Variants in SEC61A2 observed in about 807,000 individuals in gnomAD.
The protein encoded by SEC61A2 is protein transport protein Sec61 subunit alpha isoform 2.
In SEC61A2, 28 loss-of-function variants were observed where a neutral mutation model predicts 59.9. The ratio of observed to expected loss-of-function variants is 0.47; its 90% CI spans 0.35 to 0.64. SEC61A2 has a LOEUF of 0.64. Ranked by LOEUF, SEC61A2 falls within the 30% of genes least tolerant of loss-of-function variation. SEC61A2 has a pLI of 0.01. For missense variants in SEC61A2, 340 were observed against 585.9 expected, an observed-to-expected ratio of 0.58 and a Z score of 4.33; for synonymous variants, 202 against 214.4, an observed-to-expected ratio of 0.94 and a Z score of 0.50.
At position 12,162,336 on chromosome 10, in the gene SEC61A2, A is replaced by C. The variant is rs757728555; in HGVS notation, c.1244+47A>C. 3.0e-5 allele frequency: 43 copies of C among 1,431,458 alleles called. No individual in the cohort carries two copies. The highest frequency in any genetic ancestry group is 4.1e-5 in the Non-Finnish European group (42 of 1,014,124). 88.7% of individuals were successfully genotyped at this position (1,431,458 alleles called of 1,614,324 possible). A position where few individuals can be genotyped will look rare whatever the true frequency, so the allele number is the denominator to read the frequency against. On this transcript the variant is annotated intron_variant, in intron 11 of 11. Coordinates refer to ENST00000298428, the MANE Select transcript of SEC61A2 (RefSeq NM_018144.4). This position sits in a 1 kb window ranked among gnomAD's most constrained non-coding sequence, Gnocchi z 6.1. The stretch of plus-strand genomic sequence containing the variant: ...CTTTATAGGCCTGTGTTTGTGTTTC[A>C]GTCTTTCAGTGTTGGCTAAATGTTT...
intron 6 of SEC61A2, 136 bp downstream of exon 6, chr10:12,150,097 A>C: frequency 3.2e-6 from 2 of 632,838 alleles, no homozygotes; most frequent in Non-Finnish European, 5.3e-6. Context: ...TTGATCACTG[A>C]AGTGATACGT....
At position 12,143,846 on chromosome 10, in the gene SEC61A2, G is replaced by A. The variant is rs951940161; in HGVS notation, c.220+651G>A. Among the ~76,000 whole-genome samples, 1 of 152,240 alleles carries A rather than the reference G, an allele frequency of 6.6e-6. No homozygotes were observed. The highest frequency in any genetic ancestry group is 2.4e-5 in the African/African-American group (1 of 41,474). On this transcript the variant is annotated intron_variant, in intron 4 of 11. Coordinates refer to ENST00000298428, the MANE Select transcript of SEC61A2 (RefSeq NM_018144.4). This position sits in a 1 kb window ranked among gnomAD's most constrained non-coding sequence, Gnocchi z 4.8. ...AAATTGTGGCTGAGGATGCTGGACA[G>A]TGAGAGTAGCAAGGGGTACAACCAG...
In SEC61A2 at chr10:12,164,673, A is replaced by T; in HGVS notation, c.*219A>T. On this transcript the variant is annotated 3_prime_UTR_variant, in exon 12 of 12. Coordinates refer to ENST00000298428, the MANE Select transcript of SEC61A2 (RefSeq NM_018144.4). This position sits in a 1 kb window ranked among gnomAD's most constrained non-coding sequence, Gnocchi z 7.3. ...TTACATTATTCATTAAAAAAAGTAC[A>T]TCTAGTGTTGCCTGTAATGCTGGAA... The T allele has an allele frequency of 1.5e-6, 2 of 1,339,122 alleles. No individual in the cohort carries two copies. The highest frequency in any genetic ancestry group is 3.5e-5 in the South Asian group (2 of 56,878). The allele number at this position is 1,339,122 out of a possible 1,614,324, so 83.0% of individuals were successfully genotyped here.
intron 1 of SEC61A2, among the ~76,000 whole-genome samples, chr10:12,132,508 G>A (rs946219185): frequency 2.7e-5 from 4 of 149,774 alleles, no homozygotes; most frequent in African/African-American, 4.9e-5. Context: ...TAGCTACTCG[G>A]GAGGCTGAGG....
rs10906088 is a variant in SEC61A2 at position 12,152,990 on chromosome 10, C to T, written c.463-2788C>T. Among the ~76,000 whole-genome samples, 62,886 of 150,870 alleles carry T rather than the reference C, an allele frequency of 0.42. 13,096 individuals are homozygous for T. The highest frequency in any genetic ancestry group is 0.53 in the East Asian group (2,695 of 5,124). ...AGGAGAATCGCTTGAACTCTGGAGT[C>T]GGAGTTTGCAGTGAGCCGAGGTCAC... On this transcript the variant is annotated intron_variant, in intron 6 of 11. Transcript: ENST00000298428. The surrounding 1 kb of genome is among the most constrained non-coding windows in gnomAD (Gnocchi z 5.5).
chr10:12,151,059 G>A (rs1334768380), intron 6 of SEC61A2, among the ~76,000 whole-genome samples: 2 of 151,454 alleles, frequency 1.3e-5, no homozygotes, highest in East Asian at 1.9e-4. Context: ...ACAGGCGTGA[G>A]CCACTGCGCC....
At chr10:12,131,786 G>A (rs1305598908) in intron 1 of SEC61A2, among the ~76,000 whole-genome samples, 49 of 138,998 alleles carry the variant, frequency 3.5e-4, no homozygotes, top group African/African-American at 1.2e-3. Flanking sequence ...CCCCTCCTGG[G>A]GTCACGCCAT....
At chr10:12,169,218 C>T (rs1400747484), downstream of SEC61A2, 2 of 1,389,058 alleles carry the variant, frequency 1.4e-6, no homozygotes, top group Non-Finnish European at 2.0e-6. The surrounding 1 kb of genome is among the most constrained non-coding windows in gnomAD (Gnocchi z 4.8). Context: ...CCTCTCTCCA[C>T]CTCCCCTCAC....
Position 12,162,393 on chromosome 10 carries a change from C to T in SEC61A2, c.1244+104C>T. 1.0e-6 allele frequency: 1 copy of T among 989,718 alleles called. No homozygotes were observed. Among genetic ancestry groups the T allele is most frequent in the South Asian group, 1.3e-5 (1 of 78,116 alleles). 61.3% of individuals were successfully genotyped at this position (989,718 alleles called of 1,614,324 possible). A position where few individuals can be genotyped will look rare whatever the true frequency, so the allele number is the denominator to read the frequency against. On this transcript the variant is annotated intron_variant, in intron 11 of 11. Coordinates refer to ENST00000298428, the MANE Select transcript of SEC61A2 (RefSeq NM_018144.4). The surrounding 1 kb of genome is among the most constrained non-coding windows in gnomAD (Gnocchi z 6.1). The stretch of plus-strand genomic sequence containing the variant: ...GTTCAAGTTCATATTTAAAACCCTT[C>T]TATTCACACAGATGAATCAAAATTT...
At chr10:12,163,301 C>T (rs1025691660) in intron 11 of SEC61A2, among the ~76,000 whole-genome samples, 15 of 149,014 alleles carry the variant, frequency 1.0e-4, no homozygotes, top group South Asian at 6.4e-4. Flanking sequence ...TGTGCCACCA[C>T]GGCCAGCTAG....
chr10:12,129,692 T>TG lies in SEC61A2; in HGVS notation c.-96_-95insG. ...CGGAGCCTGCGCGGGGCCGGTAGGA[T>TG]CGCGTCGGGAGCCGGTACCGAGGCC... On this transcript the variant is annotated 5_prime_UTR_variant, in exon 1 of 12. In the 5' UTR this introduces an upstream ATG that the reference lacks. Transcript: ENST00000298428. The surrounding 1 kb of genome is among the most constrained non-coding windows in gnomAD (Gnocchi z 5.6). 8.1e-7 allele frequency: 1 copy of TG among 1,230,502 alleles called. No homozygotes were observed. Among genetic ancestry groups the TG allele is most frequent in the Non-Finnish European group, 1.1e-6 (1 of 898,308 alleles). The allele number at this position is 1,230,502 out of a possible 1,614,324, so 76.2% of individuals were successfully genotyped here.
At chr10:12,137,046 G>A (rs949620828) in intron 3 of SEC61A2, among the ~76,000 whole-genome samples, 10 of 152,176 alleles carry the variant, frequency 6.6e-5, no homozygotes, top group South Asian at 4.2e-4. Flanking sequence ...GATTACAGGC[G>A]TGAGCCACCA....
rs1456046971 is a variant in SEC61A2 at position 12,131,349 on chromosome 10, CCTAA to C, written c.7+1560_7+1563del. Among the ~76,000 whole-genome samples, 12 of 152,236 alleles carry C rather than the reference CCTAA, an allele frequency of 7.9e-5. No individual in the cohort carries two copies. In the South Asian group the frequency reaches 2.1e-3, roughly 26 times the overall value. On this transcript the variant is annotated intron_variant, in intron 1 of 11. Transcript: ENST00000298428. ...CTGTAGGGGAAGAAAAGCCGCAGAG[CCTAA>C]CTAATACCTAGCTGCGGCTTGTCTT... is the stretch of plus-strand genomic sequence containing the variant.
chr10:12,142,460 A>G lies in SEC61A2; in HGVS notation c.142-657A>G, dbSNP rs1456785286. ...TGAGTAAGCATAATTTTTAGTGGCC[A>G]TGTAATATTCCATTGTGGATATCAT... On this transcript the variant is annotated intron_variant, in intron 3 of 11. Transcript: ENST00000298428. This position sits in a 1 kb window ranked among gnomAD's most constrained non-coding sequence, Gnocchi z 5.4. 1.2e-6 allele frequency: 1 copy of G among 868,098 alleles called. No individual in the cohort carries two copies. Among genetic ancestry groups the G allele is most frequent in the Non-Finnish European group, 1.4e-6 (1 of 722,934 alleles). The allele number at this position is 868,098 out of a possible 1,614,324, so 53.8% of individuals were successfully genotyped here. A position where few individuals can be genotyped will look rare whatever the true frequency, so the allele number is the denominator to read the frequency against.
chr10:12,141,978 G>A (rs1237620547), intron 3 of SEC61A2, among the ~76,000 whole-genome samples: 1 of 152,214 alleles, frequency 6.6e-6, no homozygotes, highest in Non-Finnish European at 1.5e-5. Flanking sequence ...TGGGGCAGCA[G>A]TAAGACAGGG....
intron 4 of SEC61A2, among the ~76,000 whole-genome samples, chr10:12,147,829 C>G (rs549730613): frequency 1.3e-5 from 2 of 151,992 alleles, no homozygotes; most frequent in African/African-American, 4.8e-5. Flanking sequence ...TTTGAAATGC[C>G]ATATTTCTTA....
rs764474211 is a variant in SEC61A2 at position 12,153,679 on chromosome 10, T to C, written c.463-2099T>C. On this transcript the variant is annotated intron_variant, in intron 6 of 11. Coordinates refer to ENST00000298428, the MANE Select transcript of SEC61A2 (RefSeq NM_018144.4). This position sits in a 1 kb window ranked among gnomAD's most constrained non-coding sequence, Gnocchi z 5.2. ...GGCTAATTCTTCTAATGTTAATATATAAAGAGGGGTGTCATGTTTGATTGT... is the reference window on the plus strand; with the variant it reads ...GGCTAATTCTTCTAATGTTAATATACAAAGAGGGGTGTCATGTTTGATTGT... The C allele has an allele frequency of 2.2e-5, 35 of 1,577,890 alleles. No individual in the cohort carries two copies. Among genetic ancestry groups the C allele is most frequent in the Non-Finnish European group, 2.9e-5 (34 of 1,161,994 alleles).
At chr10:12,144,709 G>A (rs1388138906) in intron 4 of SEC61A2, among the ~76,000 whole-genome samples, 1 of 152,158 alleles carries the variant, frequency 6.6e-6, no homozygotes, top group Non-Finnish European at 1.5e-5. Flanking sequence ...CTAGGGAAGA[G>A]CCAGTGCAAA....
At chr10:12,134,051 G>C (rs1833823983) in intron 2 of SEC61A2, among the ~76,000 whole-genome samples, 2 of 144,516 alleles carry the variant, frequency 1.4e-5, no homozygotes, top group Admixed American at 1.4e-4. Context: ...CTGTCCCCCA[G>C]GCTGGAGTGC....
Sources: allele counts gnomAD v4.1 joint callset (sites outside exome capture counted in the v4.1 genomes callset), GRCh38; gene constraint gnomAD v4.1.1; non-coding constraint Gnocchi (gnomAD v3.1); transcripts MANE v1.5; gene names NCBI Gene and HGNC (gene_info 2026-07-23, HGNC 2026-07-21).